Variants in CSMD2 observed in about 807,000 individuals in gnomAD.
CSMD2 encodes CUB and sushi domain-containing protein 2.
In CSMD2, 130 loss-of-function variants were observed where a neutral mutation model predicts 398.5. That is an observed-to-expected ratio of 0.33 (90% confidence interval 0.28 to 0.38). The LOEUF (loss-of-function observed/expected upper bound fraction) is 0.38. CSMD2 is among the 10% of genes least tolerant of loss of function. The pLI is 1.00. For missense variants in CSMD2, 3,829 were observed against 4,764.9 expected (o/e 0.80, Z 5.78); for synonymous variants, 1,828 against 1,908.5 (o/e 0.96, Z 1.10).
rs147512798 is a variant in CSMD2, at chr1:33,756,191, AG to A, written c.1847-12586del. Among the ~76,000 whole-genome samples, 4 of 152,276 alleles carry A rather than the reference AG, an allele frequency of 2.6e-5. No individual in the cohort carries two copies. In the East Asian group the frequency reaches 7.7e-4, roughly 29 times the overall value. ...ATCTTCTCACTTGCTTGTCCTCTTT[AG>A]GGCACCTCATCCTCACGTAACTCCT... On this transcript the variant is annotated intron_variant, in intron 13 of 70. Coordinates refer to ENST00000373381, the MANE Select transcript of CSMD2 (RefSeq NM_001281956.2).
At chr1:33,786,708 T>C (rs1653582777) in intron 12 of CSMD2, among the ~76,000 whole-genome samples, 1 of 152,192 alleles carries the variant, frequency 6.6e-6, no homozygotes, top group African/African-American at 2.4e-5. Flanking sequence ...AGCTAGAAAG[T>C]GACAGAACCA....
chr1:33,972,923 C>T (rs1645824386), intron 3 of CSMD2, among the ~76,000 whole-genome samples: 1 of 107,658 alleles, frequency 9.3e-6, no homozygotes, highest in South Asian at 3.6e-4. Context: ...GCAGGATGAG[C>T]CTTCACAGCT....
At chr1:34,102,953 G>C (rs1660128963) in intron 1 of CSMD2, among the ~76,000 whole-genome samples, 1 of 152,286 alleles carries the variant, frequency 6.6e-6, no homozygotes, top group African/African-American at 2.4e-5. Flanking sequence ...ATCTCCATGA[G>C]AGTGGGGCAC....
intron 10 of CSMD2, among the ~76,000 whole-genome samples, chr1:33,799,565 G>A (rs1052775604): frequency 3.3e-5 from 5 of 152,208 alleles, no homozygotes; most frequent in African/African-American, 1.2e-4. Flanking sequence ...GTGTGGCAAT[G>A]TATGTATCTT....
intron 13 of CSMD2, among the ~76,000 whole-genome samples, chr1:33,771,535 T>C (rs573460802): frequency 6.6e-6 from 1 of 151,954 alleles, no homozygotes; most frequent in South Asian, 2.1e-4. Flanking sequence ...AAATGCTTTG[T>C]TGGACAACGT....
chr1:33,890,663 A>G (rs1273277886), intron 5 of CSMD2, among the ~76,000 whole-genome samples: 1 of 151,978 alleles, frequency 6.6e-6, no homozygotes, highest in Non-Finnish European at 1.5e-5. Context: ...AGGCTACAGT[A>G]ACCAAAACAG....
chr1:33,592,776 C>T (rs947500267), intron 44 of CSMD2, among the ~76,000 whole-genome samples: 9 of 151,974 alleles, frequency 5.9e-5, no homozygotes, highest in East Asian at 1.9e-4. Context: ...GGTGAAACCC[C>T]GTCTCTACTG....
intron 5 of CSMD2, among the ~76,000 whole-genome samples, chr1:33,888,763 T>TTGTTGTTGC (rs1641773196): frequency 1.3e-5 from 2 of 151,604 alleles, no homozygotes; most frequent in Admixed American, 6.6e-5. Flanking sequence ...ATTTTTGTTG[T>TTGTTGTTGC]TGTTGTTGTT....
chr1:34,056,380 A>G (rs540619064), intron 2 of CSMD2, among the ~76,000 whole-genome samples: 103 of 152,150 alleles, frequency 6.8e-4, no homozygotes, highest in Non-Finnish European at 1.3e-3. Context: ...TCATCTCTGG[A>G]TCCCAATGCT....
At chr1:33,540,118 A>G (rs548025056) in intron 60 of CSMD2, among the ~76,000 whole-genome samples, 139 of 152,260 alleles carry the variant, frequency 9.1e-4, no homozygotes, top group Middle Eastern at 3.4e-3. Flanking sequence ...CAGGTGTATA[A>G]AAAATAAAGC....
chr1:33,695,705 A>T (rs1645399936), intron 24 of CSMD2, among the ~76,000 whole-genome samples: 1 of 152,228 alleles, frequency 6.6e-6, no homozygotes, highest in African/African-American at 2.4e-5. Flanking sequence ...CAAACAAGTC[A>T]CTGCTTGCAT....
chr1:33,706,605 C>G (rs1217080301), intron 22 of CSMD2, among the ~76,000 whole-genome samples: 1 of 152,174 alleles, frequency 6.6e-6, no homozygotes, highest in Non-Finnish European at 1.5e-5. Flanking sequence ...TTCTGATCTA[C>G]TGAATATTTA....
At position 33,586,610 on chromosome 1, in the gene CSMD2, G is replaced by C; in HGVS notation, c.6945C>G (p.Ile2315Met). The C allele has an allele frequency of 6.2e-7, 1 of 1,608,372 alleles. No individual in the cohort carries two copies. The highest frequency in any genetic ancestry group is 8.5e-7 in the Non-Finnish European group (1 of 1,175,072). Residue 2315 changes from isoleucine (I) to methionine (M), a missense_variant, in exon 46 of 71, where the codon ATC becomes ATG. This residue lies in a region of CSMD2 where 723 missense variants were observed against 758.6 expected (regional missense o/e 0.95). Transcript: ENST00000373381. ...AGCCAGGGAGGCATCTGTAGCGTAC[G>C]ATGTCACCTGTCAAAGAAAGACCAA... Reference protein sequence around the residue: ...TENEEFNIGDIVRYRCLPGFT... With the variant: ...TENEEFNIGDMVRYRCLPGFT...
At chr1:33,864,518 T>G (rs761894571) in intron 5 of CSMD2, 3 of 1,614,020 alleles carry the variant, frequency 1.9e-6, no homozygotes, top group Non-Finnish European at 2.5e-6. Context: ...ACCACTATGC[T>G]CAGCTGAAGA....
chr1:33,906,036 C>T (rs547264564), intron 5 of CSMD2, among the ~76,000 whole-genome samples: 1 of 152,330 alleles, frequency 6.6e-6, no homozygotes, highest in East Asian at 1.9e-4. Context: ...AAGAAGGCCA[C>T]ATATTTCAGA....
At chr1:33,687,269 T>A (rs1393464796) in intron 25 of CSMD2, among the ~76,000 whole-genome samples, 1 of 152,136 alleles carries the variant, frequency 6.6e-6, no homozygotes, top group Non-Finnish European at 1.5e-5. Flanking sequence ...ACAACCATTG[T>A]AAAACAAAAC....
chr1:33,801,541 C>T (rs1373777565), intron 10 of CSMD2, among the ~76,000 whole-genome samples: 1 of 152,196 alleles, frequency 6.6e-6, no homozygotes, highest in East Asian at 1.9e-4. Flanking sequence ...TCAAATATCG[C>T]TGAGCTGCTT....
At chr1:34,086,133 A>G (rs544786247) in intron 2 of CSMD2, among the ~76,000 whole-genome samples, 3 of 152,310 alleles carry the variant, frequency 2.0e-5, no homozygotes, top group African/African-American at 7.2e-5. Flanking sequence ...TCCAGCAGGC[A>G]GAATTGGAGA....
intron 67 of CSMD2, 90 bp from the exon 68 acceptor site, chr1:33,521,640 ACCCAC>A: frequency 1.1e-5 from 9 of 840,662 alleles, no homozygotes; most frequent in Non-Finnish European, 1.7e-5. Flanking sequence ...CCAGCAGGTC[ACCCAC>A]TGACCTGCTG....
Sources: gnomAD v4.1 joint callset for allele counts (sites outside exome capture counted in the v4.1 genomes callset) on GRCh38, gnomAD v4.1.1 for gene constraint, gnomAD v4.1.1 regional missense constraint, MANE v1.5 for transcripts, NCBI Gene and HGNC (gene_info 2026-07-23, HGNC 2026-07-21) for gene names.